Variants in KDM4C observed in about 807,000 individuals in gnomAD.
KDM4C encodes the protein lysine-specific demethylase 4C.
KDM4C carries 81 observed loss-of-function variants against 129.3 expected under a neutral mutation model. That is an observed-to-expected ratio of 0.63 (90% CI 0.52 to 0.75). KDM4C has a LOEUF of 0.75. Ranked by LOEUF, KDM4C falls within the 30% of genes least tolerant of loss-of-function variation. The probability of loss-of-function intolerance (pLI) is 0.00; values close to 1 mark genes in which losing one functional copy is unlikely to be tolerated. For missense variants in KDM4C, 1,457 were observed against 1,304.0 expected, an observed-to-expected ratio of 1.12 and a Z score of -1.81; for synonymous variants, 573 against 456.1, an observed-to-expected ratio of 1.26 and a Z score of -3.26.
chr9:6,845,004 A>C (rs530867304), intron 4 of KDM4C, among the ~76,000 whole-genome samples: 1 of 152,192 alleles, frequency 6.6e-6, no homozygotes, highest in East Asian at 1.9e-4. Context: ...CCATATTTCT[A>C]ATGTTGCATT....
chr9:6,931,504 A>AT (rs139124206), intron 8 of KDM4C, among the ~76,000 whole-genome samples: 31,995 of 148,506 alleles, frequency 0.22, 3,924 homozygotes, highest in South Asian at 0.36. Flanking sequence ...ATATATATAT[A>AT]TATTTTTTTT....
chr9:7,049,119 G>T lies in KDM4C; in HGVS notation c.2343G>T (p.Ala781=). 3.7e-6 allele frequency: 6 copies of T among 1,612,334 alleles called. No individual in the cohort carries two copies. Among genetic ancestry groups the T allele is most frequent in the Non-Finnish European group, 5.1e-6 (6 of 1,178,782 alleles). ...NKWAHVMCAV[A]VPEVRFTNVP... ...GGGCCCATGTCATGTGCGCCGTTGC[G>T]GTCCCAGAAGTTCGATTCACTAATG... Residue 781 remains alanine, a synonymous_variant, in exon 17 of 22, where the codon GCG becomes GCT. Transcript: ENST00000381309.
chr9:6,849,331 A>G (rs956892421), intron 4 of KDM4C, among the ~76,000 whole-genome samples, 176 bp from the exon 5 acceptor site: 2 of 152,244 alleles, frequency 1.3e-5, no homozygotes, highest in Non-Finnish European at 2.9e-5. Flanking sequence ...TCTTTGACCA[A>G]TAATAATGGA....
chr9:6,865,951 C>T (rs887309914), intron 5 of KDM4C, among the ~76,000 whole-genome samples: 1 of 152,040 alleles, frequency 6.6e-6, no homozygotes, highest in Non-Finnish European at 1.5e-5. Flanking sequence ...GACAGGGTTT[C>T]CCCGTGTTAG....
At chr9:7,081,143 A>G (rs1834479397) in intron 17 of KDM4C, among the ~76,000 whole-genome samples, 1 of 152,214 alleles carries the variant, frequency 6.6e-6, no homozygotes, top group South Asian at 2.1e-4. Flanking sequence ...CTGTAAGAAA[A>G]GTATGTGGAG....
At chr9:7,074,075 A>C (rs1211035333) in intron 17 of KDM4C, among the ~76,000 whole-genome samples, 1 of 152,202 alleles carries the variant, frequency 6.6e-6, no homozygotes, top group South Asian at 2.1e-4. Context: ...TCAAATAAAA[A>C]GATTGTAGTG....
chr9:7,088,587 A>G (rs531423275), intron 17 of KDM4C, among the ~76,000 whole-genome samples: 13 of 152,310 alleles, frequency 8.5e-5, no homozygotes, highest in East Asian at 5.8e-4. Flanking sequence ...AGGGGTGGCT[A>G]TTATTAGATA....
At chr9:7,017,969 A>T (rs1403806230) in intron 15 of KDM4C, among the ~76,000 whole-genome samples, 1 of 152,226 alleles carries the variant, frequency 6.6e-6, no homozygotes, top group Non-Finnish European at 1.5e-5. Context: ...TGGTCTGAAT[A>T]ATCTGGTATA....
At position 7,040,321 on chromosome 9, in the gene KDM4C, C is replaced by A. The variant is rs115001743; in HGVS notation, c.2260-6541C>A. ...TCCTTCCCTCCCTCCCTCTGTCTCT[C>A]TTTCCCTCCCTCCCTCCCTTCCTCT... On this transcript the variant is annotated intron_variant, in intron 15 of 21. Coordinates refer to ENST00000381309, the MANE Select transcript of KDM4C (RefSeq NM_015061.6). Among the ~76,000 whole-genome samples, 1,138 of 150,782 alleles carry A rather than the reference C, an allele frequency of 7.5e-3. 15 individuals are homozygous for A. The highest frequency in any genetic ancestry group is 0.026 in the African/African-American group (1,050 of 40,980).
intron 15 of KDM4C, among the ~76,000 whole-genome samples, chr9:7,040,365 C>G (rs1308188278): frequency 1.1e-5 from 1 of 94,362 alleles, no homozygotes; most frequent in African/African-American, 4.3e-5. Flanking sequence ...CTCTCTACCC[C>G]ACTCTGTGTG....
At chr9:6,792,469 A>G (rs543839786) in intron 1 of KDM4C, among the ~76,000 whole-genome samples, 7 of 151,984 alleles carry the variant, frequency 4.6e-5, no homozygotes, top group Non-Finnish European at 1.0e-4. Flanking sequence ...GCTCACTGCA[A>G]CTTCAGCCTC....
chr9:6,948,962 ATCG>A (rs1827527452), intron 8 of KDM4C, among the ~76,000 whole-genome samples: 3 of 150,656 alleles, frequency 2.0e-5, no homozygotes, highest in Admixed American at 1.3e-4. Context: ...CGAAACCGCC[ATCG>A]TCATCATGGC....
At chr9:6,830,301 C>T (rs1834599352) in intron 4 of KDM4C, among the ~76,000 whole-genome samples, 1 of 152,138 alleles carries the variant, frequency 6.6e-6, no homozygotes, top group Non-Finnish European at 1.5e-5. Context: ...TTACAATCTC[C>T]CTCATAATTC....
rs1166649064 is a variant in KDM4C at position 6,892,640 on chromosome 9, A to G, written c.784-455A>G. On this transcript the variant is annotated intron_variant, in intron 7 of 21. Coordinates refer to ENST00000381309, the MANE Select transcript of KDM4C (RefSeq NM_015061.6). ...ATTTGATGAATATCACCAACTCTTT[A>G]CCAACAAGAATTCATGATATAGCCT... Among the ~76,000 whole-genome samples the G allele has an allele frequency of 2.6e-5, 4 of 152,320 alleles. No individual in the cohort carries two copies. In the East Asian group the frequency reaches 7.7e-4, roughly 29 times the overall value.
intron 3 of KDM4C, among the ~76,000 whole-genome samples, chr9:6,811,512 A>G (rs377356869): frequency 6.6e-6 from 1 of 152,192 alleles, no homozygotes; most frequent in Non-Finnish European, 1.5e-5. Flanking sequence ...AGAGACGATG[A>G]CATGCTCATT....
chr9:6,802,840 CAG>C (rs1163459923), intron 2 of KDM4C, among the ~76,000 whole-genome samples: 1 of 152,218 alleles, frequency 6.6e-6, no homozygotes, highest in Non-Finnish European at 1.5e-5. Flanking sequence ...CTTCTGACCT[CAG>C]GTGGTCTGTC....
Position 6,990,256 on chromosome 9 carries a change from C to G in KDM4C, c.1678-160C>G, listed in dbSNP as rs185718692. On this transcript the variant is annotated intron_variant, in intron 11 of 21. Transcript: ENST00000381309. ...AGAATTGATTCCTATTTCTTTTGAC[C>G]TTAAGTTTAAATTTCTTAAAGGACT... is the stretch of plus-strand genomic sequence containing the variant. Among the ~76,000 whole-genome samples the G allele has an allele frequency of 2.6e-5, 4 of 152,022 alleles. No homozygotes were observed. In the East Asian group the frequency reaches 7.7e-4, roughly 29 times the overall value.
intron 4 of KDM4C, among the ~76,000 whole-genome samples, chr9:6,837,833 T>A (rs1363916375): frequency 1.3e-5 from 2 of 152,184 alleles, no homozygotes; most frequent in Non-Finnish European, 2.9e-5. Flanking sequence ...GTCTTAATTT[T>A]AATTTTAATA....
rs74840284 is a variant in KDM4C at position 7,047,875 on chromosome 9, C to A, written c.2315+958C>A. ...AGTATATGTGTATTTGCTTACATTC[C>A]GCCTGGCCCCCTGGGCACTGGAGTT... On this transcript the variant is annotated intron_variant, in intron 16 of 21. Transcript: ENST00000381309. 9.1e-3 allele frequency among the ~76,000 whole-genome samples: 1,388 copies of A among 152,040 alleles called. 22 individuals are homozygous for A. Among genetic ancestry groups the A allele is most frequent in the African/African-American group, 0.029 (1,205 of 41,482 alleles).
Sources: gnomAD v4.1 joint callset for allele counts (sites outside exome capture counted in the v4.1 genomes callset) on GRCh38, gnomAD v4.1.1 for gene constraint, MANE v1.5 for transcripts, NCBI Gene and HGNC (gene_info 2026-07-23, HGNC 2026-07-21) for gene names.